The following INPP5K variants were observed in gnomAD, a reference collection of about 807,000 sequenced individuals.
INPP5K encodes the protein inositol polyphosphate-5-phosphatase K.
Under a neutral mutation model 53.5 loss-of-function variants are expected in INPP5K, and 35 were observed. That is an observed-to-expected ratio of 0.65 (90% CI 0.50 to 0.87). The LOEUF (loss-of-function observed/expected upper bound fraction) is 0.87. Ranked by LOEUF, INPP5K falls within the 40% of genes least tolerant of loss-of-function variation. The probability of loss-of-function intolerance (pLI) is 0.00; values close to 1 mark genes in which losing one functional copy is unlikely to be tolerated. For missense variants in INPP5K, 550 were observed against 586.2 expected, an observed-to-expected ratio of 0.94 and a Z score of 0.64; for synonymous variants, 253 against 232.8, an observed-to-expected ratio of 1.09 and a Z score of -0.79.
rs2075249416 is a variant in INPP5K, at chr17:1,509,291, G to C, written c.441C>G (p.Asn147Lys). The C allele has an allele frequency of 6.2e-7, 1 of 1,614,136 alleles. No individual in the cohort carries two copies. The highest frequency in any genetic ancestry group is 1.1e-5 in the South Asian group (1 of 91,078). The change falls in exon 5 of 12, where the codon AAC (asparagine) becomes AAG (lysine). Residue 147 changes from asparagine to lysine, a missense_variant. Physicochemically the swap from Asn to Lys is moderately conservative, Grantham distance 94. Coordinates refer to ENST00000421807, the MANE Select transcript of INPP5K (RefSeq NM_016532.4). ...KLYGYYVSII[N>K]CHLPPHISNN... ...TGGAAATGTGGGGAGGCAGGTGGCA[G>C]TTGATGATGCTGACATAGTAGCCAT...
At position 1,508,144 on chromosome 17, in the gene INPP5K, A is replaced by C. The variant is rs2075208573; in HGVS notation, c.637T>G (p.Cys213Gly). The change falls in exon 6 of 12, where the codon TGC (cysteine) becomes GGC (glycine). Residue 213 changes from cysteine (C) to glycine (G), a missense_variant. Physicochemically the swap from Cys to Gly is radical, Grantham distance 159 (BLOSUM62 -3). Transcript: ENST00000421807. ...TCCTTCTCCCACAGGCCACCGTAGCACCGATTTTTAATGGATTCCCGAACA... is the reference window on the plus strand; with the variant it reads ...TCCTTCTCCCACAGGCCACCGTAGCCCCGATTTTTAATGGATTCCCGAACA... Reference protein sequence around the residue: ...HFVRESIKNRCYGGLWEKDQL... With the variant: ...HFVRESIKNRGYGGLWEKDQL... The C allele has an allele frequency of 3.1e-6, 5 of 1,613,862 alleles. No homozygotes were observed. Among genetic ancestry groups the C allele is most frequent in the Non-Finnish European group, 4.2e-6 (5 of 1,179,928 alleles).
At chr17:1,496,609 G>A (rs937729110) in intron 9 of INPP5K, 57 bp downstream of exon 9, 25 of 1,603,084 alleles carry the variant, frequency 1.6e-5, no homozygotes, top group East Asian at 4.5e-5. Context: ...AGGAGCCCTC[G>A]GGAAGGATGA....
At chr17:1,515,769 C>G in intron 1 of INPP5K, 1 of 620,412 alleles carries the variant, frequency 1.6e-6, no homozygotes. Flanking sequence ...CAGAAACCAC[C>G]TTCCCAGGCA....
rs1381314067 is a variant in INPP5K, at chr17:1,513,564, G to A, written c.153-3C>T. Reference sequence around the variant, plus strand: ...TCCCAGAGTTCAATTCCTGCAAACTGACCATGCCAGCTCAGAGGCTTGGCC... The same window carrying A: ...TCCCAGAGTTCAATTCCTGCAAACTAACCATGCCAGCTCAGAGGCTTGGCC... On this transcript the variant is annotated splice_polypyrimidine_tract_variant and splice_region_variant and intron_variant, in intron 2 of 11. Coordinates refer to ENST00000421807, the MANE Select transcript of INPP5K (RefSeq NM_016532.4). 6.2e-7 allele frequency: 1 copy of A among 1,613,296 alleles called. No homozygotes were observed. The highest frequency in any genetic ancestry group is 1.1e-5 in the South Asian group (1 of 91,064).
chr17:1,496,983 G>C (rs534137237), intron 8 of INPP5K, among the ~76,000 whole-genome samples, 180 bp from the exon 9 acceptor site: 1 of 152,338 alleles, frequency 6.6e-6, no homozygotes, highest in Non-Finnish European at 1.5e-5. Context: ...AAAGAGGGCC[G>C]AACACCAGTC....
At chr17:1,506,620 C>G (rs923217419) in intron 7 of INPP5K, among the ~76,000 whole-genome samples, 6 of 152,212 alleles carry the variant, frequency 3.9e-5, no homozygotes, top group African/African-American at 1.4e-4. Context: ...CTGGCTGGGC[C>G]AAGCTTTCTG....
rs2240999 is a variant in INPP5K at position 1,506,965 on chromosome 17, C to G, written c.776+15G>C. 0.12 allele frequency: 188,860 copies of G among 1,584,924 alleles called. 11,757 individuals are homozygous for G. The highest frequency in any genetic ancestry group is 0.15 in the Middle Eastern group (906 of 5,996). On this transcript the variant is annotated intron_variant, in intron 7 of 11. Coordinates refer to ENST00000421807, the MANE Select transcript of INPP5K (RefSeq NM_016532.4). ...CTGACTTCCTAGACCTTCTGGCCCCCCACTCCCTCCTCACCTGGTGTCATA... is the reference window on the plus strand; with the variant it reads ...CTGACTTCCTAGACCTTCTGGCCCCGCACTCCCTCCTCACCTGGTGTCATA...
intron 1 of INPP5K, chr17:1,515,280 C>T (rs1451458263): frequency 1.8e-5 from 4 of 227,414 alleles, no homozygotes; most frequent in African/African-American, 9.4e-5. Context: ...CGTAGTATTC[C>T]GTGAAAAATA....
Position 1,497,901 on chromosome 17 carries a change from T to C in INPP5K, c.963+35A>G, listed in dbSNP as rs772620555. 28 of 1,575,718 alleles carry C rather than the reference T, an allele frequency of 1.8e-5. No homozygotes were observed. In the African/African-American group the frequency reaches 3.4e-4, roughly 19 times the overall value. On this transcript the variant is annotated intron_variant, in intron 8 of 11. Coordinates refer to ENST00000421807, the MANE Select transcript of INPP5K (RefSeq NM_016532.4). The stretch of plus-strand genomic sequence containing the variant: ...TTGGGGATGTGGCCAGCATAGCTAT[T>C]CCTCTGGCAAGTATCAGGCAGCCCA...
At position 1,496,402 on chromosome 17, in the gene INPP5K, C is replaced by A. The variant is rs1312500983; in HGVS notation, c.1102G>T (p.Val368Leu). ...TAGTCATTAACGTCCCGCAGCCCCA[C>A]CTGTGAGGGGGAGTCAGGCCATCAG... ...SPWDWIGLYK[V>L]GLRDVNDYVS... Residue 368 changes from valine to leucine, a missense_variant and splice_region_variant, in exon 10 of 12, where the codon GTG becomes TTG. By Grantham distance (32) the Val-to-Leu change is conservative (BLOSUM62 1). Transcript: ENST00000421807. 2 of 1,558,510 alleles carry A rather than the reference C, an allele frequency of 1.3e-6. No individual in the cohort carries two copies. The highest frequency in any genetic ancestry group is 1.7e-6 in the Non-Finnish European group (2 of 1,150,980).
intron 1 of INPP5K, 36 bp downstream of exon 1, chr17:1,516,420 C>G (rs556622661): frequency 2.1e-5 from 33 of 1,576,470 alleles, no homozygotes; most frequent in Admixed American, 1.2e-4. Flanking sequence ...CCGATCCCCC[C>G]GAGCAGGCCT....
Position 1,495,448 on chromosome 17 carries a change from C to A in INPP5K, c.*375G>T. The stretch of plus-strand genomic sequence containing the variant: ...TCTCCCCTCCCAGACAGCCTGAGGC[C>A]CAGGACGGCACGACAAGAATGCAGG... On this transcript the variant is annotated 3_prime_UTR_variant, in exon 12 of 12. Coordinates refer to ENST00000421807, the MANE Select transcript of INPP5K (RefSeq NM_016532.4). The A allele has an allele frequency of 4.2e-6, 1 of 237,500 alleles. No homozygotes were observed. 14.7% of individuals were successfully genotyped at this position (237,500 alleles called of 1,614,324 possible). A position where few individuals can be genotyped will look rare whatever the true frequency, so the allele number is the denominator to read the frequency against.
At chr17:1,509,629 CCA>C in intron 4 of INPP5K, 52 bp downstream of exon 4, 1 of 1,196,706 alleles carries the variant, frequency 8.4e-7, no homozygotes, top group East Asian at 2.3e-5. Context: ...TTGCCCAGCT[CCA>C]CAGTTCCCAG....
At position 1,497,889 on chromosome 17, in the gene INPP5K, CAGCAT is replaced by C. The variant is rs776399426; in HGVS notation, c.963+42_963+46del. On this transcript the variant is annotated intron_variant, in intron 8 of 11. Transcript: ENST00000421807. The stretch of plus-strand genomic sequence containing the variant: ...GGGATGGAGGGCTTGGGGATGTGGC[CAGCAT>C]AGCTATTCCTCTGGCAAGTATCAGG... The C allele has an allele frequency of 1.6e-5, 24 of 1,524,780 alleles. No homozygotes were observed. In the African/African-American group the frequency reaches 3.1e-4, roughly 20 times the overall value. The allele number at this position is 1,524,780 out of a possible 1,614,324, so 94.5% of individuals were successfully genotyped here.
chr17:1,503,725 A>G (rs1478145043), intron 7 of INPP5K, among the ~76,000 whole-genome samples: 1 of 152,116 alleles, frequency 6.6e-6, no homozygotes, highest in Non-Finnish European at 1.5e-5. Context: ...TCTCGAAAAA[A>G]ATAAAACACT....
Position 1,496,696 on chromosome 17 carries a change from G to T in INPP5K, c.1071C>A (p.Ser357Arg), listed in dbSNP as rs1256018170. Residue 357 changes from serine to arginine, a missense_variant, in exon 9 of 12, where the codon AGC becomes AGA. Transcript: ENST00000421807. Reference sequence around the variant, plus strand: ...ACAGTCCAATCCAGTCCCACGGGCTGCTGGGGAAGTCCGAGGTTGAAGAGT... The same window carrying T: ...ACAGTCCAATCCAGTCCCACGGGCTTCTGGGGAAGTCCGAGGTTGAAGAGT... ...VSYSSTSDFP[S>R]SPWDWIGLYK... 6.2e-7 allele frequency: 1 copy of T among 1,614,226 alleles called. No individual in the cohort carries two copies. Among genetic ancestry groups the T allele is most frequent in the Non-Finnish European group, 8.5e-7 (1 of 1,180,032 alleles).
At chr17:1,505,551 C>A (rs1168705850) in intron 7 of INPP5K, among the ~76,000 whole-genome samples, 8 of 152,168 alleles carry the variant, frequency 5.3e-5, no homozygotes, top group Non-Finnish European at 8.8e-5. Context: ...CCTTCCCCAG[C>A]GTCCACTGCC....
At chr17:1,498,309 G>A (rs2074917124) in intron 7 of INPP5K, 187 bp from the exon 8 acceptor site, 2 of 498,906 alleles carry the variant, frequency 4.0e-6, no homozygotes, top group East Asian at 3.0e-5. Flanking sequence ...AGAATCCAAA[G>A]TATGCCAGCA....
chr17:1,507,388 TG>T (rs1171978500), intron 6 of INPP5K: 1 of 356,942 alleles, frequency 2.8e-6, no homozygotes, highest in Non-Finnish European at 5.1e-6. Context: ...AGCAGACATG[TG>T]TCAGAGGGGA....
Sources: allele counts gnomAD v4.1 joint callset (sites outside exome capture counted in the v4.1 genomes callset), GRCh38; gene constraint gnomAD v4.1.1; transcripts MANE v1.5; gene names NCBI Gene and HGNC (gene_info 2026-07-23, HGNC 2026-07-21).